Variants in PLEKHA8 observed in about 807,000 individuals in gnomAD.
PLEKHA8 encodes the protein pleckstrin homology domain-containing family A member 8.
A neutral mutation model predicts 68.2 loss-of-function variants in PLEKHA8; 36 were observed. The ratio of observed to expected loss-of-function variants is 0.53; its 90% CI spans 0.40 to 0.70. PLEKHA8 has a LOEUF of 0.70. PLEKHA8 is among the 30% of genes least tolerant of loss of function. The pLI is 0.00. For synonymous variants in PLEKHA8, 211 were observed against 216.1 expected (o/e 0.98, Z 0.20); for missense variants, 505 against 615.4 (o/e 0.82, Z 1.90).
exon 13 of PLEKHA8, chr7:30,090,385 T>C (rs1234707281): frequency 3.6e-6 from 2 of 554,974 alleles, no homozygotes; most frequent in Non-Finnish European, 6.2e-6. Flanking sequence ...TCGTCAAATC[T>C]AATGTCAAGT....
chr7:30,053,107 A>G (rs1033286875), intron 7 of PLEKHA8, among the ~76,000 whole-genome samples: 21 of 152,210 alleles, frequency 1.4e-4, no homozygotes, highest in African/African-American at 4.3e-4. Flanking sequence ...GGCTGTGTTC[A>G]TGGGCTGCAG....
intron 1 of PLEKHA8, among the ~76,000 whole-genome samples, chr7:30,030,178 G>C (rs1451811052): frequency 6.6e-6 from 1 of 152,150 alleles, no homozygotes; most frequent in Non-Finnish European, 1.5e-5. Flanking sequence ...GCATATACTT[G>C]AGTAAAATTT....
intron 2 of PLEKHA8, among the ~76,000 whole-genome samples, chr7:30,045,488 G>A (rs1791882536): frequency 6.6e-6 from 1 of 152,160 alleles, no homozygotes; most frequent in South Asian, 2.1e-4. Flanking sequence ...GTGGCTATTA[G>A]CAAAACTTAA....
At chr7:30,032,602 G>A (rs1029758197) in intron 1 of PLEKHA8, among the ~76,000 whole-genome samples, 1 of 152,142 alleles carries the variant, frequency 6.6e-6, no homozygotes, top group Non-Finnish European at 1.5e-5. Context: ...TACTTTTAAA[G>A]GTCCTTCTTG....
chr7:30,032,868 G>A (rs1053169953), intron 1 of PLEKHA8, among the ~76,000 whole-genome samples: 5 of 152,324 alleles, frequency 3.3e-5, no homozygotes, highest in Non-Finnish European at 2.9e-5. Flanking sequence ...CCAGCCAGCC[G>A]AAGGCTGCTT....
At chr7:30,069,542 A>T (rs1794097294) in intron 12 of PLEKHA8, 1 of 152,268 alleles carries the variant, frequency 6.6e-6, no homozygotes, top group Non-Finnish European at 1.5e-5. Flanking sequence ...CTTTAGGCAT[A>T]ATCTCTAAAT....
intron 1 of PLEKHA8, among the ~76,000 whole-genome samples, chr7:30,044,362 G>A (rs1312468974): frequency 6.6e-6 from 1 of 152,154 alleles, no homozygotes; most frequent in East Asian, 1.9e-4. Context: ...CAGAAATACA[G>A]CAAATGAGTG....
rs568992891 is a variant in PLEKHA8, at chr7:30,115,846, G to C, written c.1363-13420G>C. The C allele has an allele frequency of 2.0e-5, 3 of 148,226 alleles. 1 individual carries two copies. Among genetic ancestry groups the C allele is most frequent in the Non-Finnish European group, 4.5e-5 (3 of 66,836 alleles). 9.2% of individuals were successfully genotyped at this position (148,226 alleles called of 1,614,324 possible). A position where few individuals can be genotyped will look rare whatever the true frequency, so the allele number is the denominator to read the frequency against. Reference sequence around the variant, plus strand: ...CATGCGTGCACATACATGTATACACGTATGCATACATACGTGCACATACAT... The same window carrying C: ...CATGCGTGCACATACATGTATACACCTATGCATACATACGTGCACATACAT... On this transcript the variant is annotated intron_variant, in intron 13 of 13. Transcript: ENST00000396257.
rs1216569295 is a variant in PLEKHA8 at position 30,079,075 on chromosome 7, T to C, written c.*288T>C. On this transcript the variant is annotated 3_prime_UTR_variant, in exon 14 of 14. Coordinates refer to ENST00000449726, the MANE Select transcript of PLEKHA8 (RefSeq NM_001197026.2). ...GAGCAGATTTAACAAACAAATTTGC[T>C]GTTATTGTGTATTGTATTGTTTTTA... 1.7e-6 allele frequency: 2 copies of C among 1,161,382 alleles called. No individual in the cohort carries two copies. The highest frequency in any genetic ancestry group is 2.1e-6 in the Non-Finnish European group (2 of 940,942). 71.9% of individuals were successfully genotyped at this position (1,161,382 alleles called of 1,614,324 possible). A position where few individuals can be genotyped will look rare whatever the true frequency, so the allele number is the denominator to read the frequency against.
chr7:30,062,717 G>T lies in PLEKHA8; in HGVS notation c.1275G>T (p.Gly425=). 1 of 1,613,404 alleles carries T rather than the reference G, an allele frequency of 6.2e-7. No homozygotes were observed. Among genetic ancestry groups the T allele is most frequent in the Non-Finnish European group, 8.5e-7 (1 of 1,179,418 alleles). ...LKGFLTEVKN[G]EKDIQTALNN... ...GATTTTTGACAGAAGTGAAAAATGG[G>T]GAGAAGGATATCCAGACAGCCCTAA... The change falls in exon 12 of 14, where the codon GGG becomes GGT. Residue 425 remains glycine, a synonymous_variant. Coordinates refer to ENST00000449726, the MANE Select transcript of PLEKHA8 (RefSeq NM_001197026.2).
At chr7:30,068,669 G>C (rs1160245958) in intron 12 of PLEKHA8, among the ~76,000 whole-genome samples, 1 of 152,100 alleles carries the variant, frequency 6.6e-6, no homozygotes, top group Non-Finnish European at 1.5e-5. Context: ...AATGTCTTCT[G>C]TCAGTCTGTG....
At chr7:30,101,400 TCGTGGTGCCAG>T (rs1418278522) in intron 13 of PLEKHA8, among the ~76,000 whole-genome samples, 10 of 151,840 alleles carry the variant, frequency 6.6e-5, no homozygotes, top group Non-Finnish European at 1.3e-4. Flanking sequence ...AAGTCTGAGA[TCGTGGTGCCAG>T]CATGGTGCCA....
chr7:30,049,776 C>T (rs1038617094), intron 5 of PLEKHA8, among the ~76,000 whole-genome samples: 1 of 152,222 alleles, frequency 6.6e-6, no homozygotes, highest in African/African-American at 2.4e-5. Flanking sequence ...AAAGTCAAAA[C>T]TTCTTAACCC....
At chr7:30,095,891 T>G (rs1301327252) in intron 13 of PLEKHA8, among the ~76,000 whole-genome samples, 2 of 152,218 alleles carry the variant, frequency 1.3e-5, no homozygotes, top group Non-Finnish European at 2.9e-5. Context: ...TATATCTCTG[T>G]TTTGGTACCA....
rs1386792065 is a variant in PLEKHA8, at chr7:30,080,559, T to G, written c.*1772T>G. ...TTGCCTTTGTGTGTCTTTAAACAAATGAACATTTATTTAGCTCAGATTAAT... is the reference window on the plus strand; with the variant it reads ...TTGCCTTTGTGTGTCTTTAAACAAAGGAACATTTATTTAGCTCAGATTAAT... On this transcript the variant is annotated 3_prime_UTR_variant, in exon 14 of 14. Coordinates refer to ENST00000449726, the MANE Select transcript of PLEKHA8 (RefSeq NM_001197026.2). The G allele has an allele frequency of 8.1e-6, 8 of 985,246 alleles. No homozygotes were observed. Among genetic ancestry groups the G allele is most frequent in the Non-Finnish European group, 9.6e-6 (8 of 829,906 alleles). 61.0% of individuals were successfully genotyped at this position (985,246 alleles called of 1,614,324 possible).
exon 14 of PLEKHA8, chr7:30,129,378 C>T (rs1796835782): frequency 6.3e-7 from 1 of 1,595,576 alleles, no homozygotes; most frequent in East Asian, 2.2e-5. Context: ...GAGCTGAAAC[C>T]CTGATGATAA....
At position 30,082,809 on chromosome 7, in the gene PLEKHA8, C is replaced by A. The variant is rs17449371; in HGVS notation, c.*4022C>A. The A allele has an allele frequency of 0.16, 161,169 of 984,936 alleles. 13,443 individuals are homozygous for A. The highest frequency in any genetic ancestry group is 0.24 in the African/African-American group (13,463 of 57,202). The allele number at this position is 984,936 out of a possible 1,614,324, so 61.0% of individuals were successfully genotyped here. A position where few individuals can be genotyped will look rare whatever the true frequency, so the allele number is the denominator to read the frequency against. ...TCATACATATGGAGAAACATCAGAT[C>A]AGGCAATAGAGTCAGAGGGTCATGA... On this transcript the variant is annotated 3_prime_UTR_variant, in exon 14 of 14. Transcript: ENST00000449726.
chr7:30,083,990 C>G lies in PLEKHA8; in HGVS notation c.*5203C>G. Reference sequence around the variant, plus strand: ...TGTTGTTTCCTAGAAGGCTATGAGCCAGTTCCATGGCATGTTTAATGTATA... The same window carrying G: ...TGTTGTTTCCTAGAAGGCTATGAGCGAGTTCCATGGCATGTTTAATGTATA... On this transcript the variant is annotated 3_prime_UTR_variant, in exon 14 of 14. Coordinates refer to ENST00000449726, the MANE Select transcript of PLEKHA8 (RefSeq NM_001197026.2). The G allele has an allele frequency of 1.0e-6, 1 of 985,398 alleles. No homozygotes were observed. The highest frequency in any genetic ancestry group is 1.2e-6 in the Non-Finnish European group (1 of 829,908). 61.0% of individuals were successfully genotyped at this position (985,398 alleles called of 1,614,324 possible).
intron 6 of PLEKHA8, among the ~76,000 whole-genome samples, chr7:30,051,360 A>G (rs1792394408): frequency 6.7e-6 from 1 of 149,904 alleles, no homozygotes; most frequent in Admixed American, 6.6e-5. Flanking sequence ...TTGCCTCTAT[A>G]TGCTCCTACA....
Sources: gnomAD v4.1 joint callset for allele counts (sites outside exome capture counted in the v4.1 genomes callset) on GRCh38, gnomAD v4.1.1 for gene constraint, MANE v1.5 for transcripts, NCBI Gene and HGNC (gene_info 2026-07-23, HGNC 2026-07-21) for gene names.